CDH10: variants seen among roughly 807,000 people sequenced by gnomAD.
CDH10 encodes cadherin-10.
A neutral mutation model predicts 73.1 loss-of-function variants in CDH10; 30 were observed. That is an observed-to-expected ratio of 0.41 (90% confidence interval 0.31 to 0.56). The LOEUF is 0.56. CDH10 is among the 20% of genes least tolerant of loss of function. The pLI is 0.27. For synonymous variants in CDH10, 345 were observed against 348.2 expected (o/e 0.99, Z 0.10); for missense variants, 815 against 973.7 (o/e 0.84, Z 2.17).
At chr5:24,488,184 G>A (rs1437452141) in intron 11 of CDH10, 31 bp from the exon 12 acceptor site, 2 of 1,559,252 alleles carry the variant, frequency 1.3e-6, no homozygotes, top group South Asian at 2.3e-5. Flanking sequence ...TACATTAGAC[G>A]TCCGTTCAAA....
intron 2 of CDH10, among the ~76,000 whole-genome samples, chr5:24,548,810 A>T (rs1005566074): frequency 1.3e-5 from 2 of 152,072 alleles, no homozygotes; most frequent in Admixed American, 1.3e-4. Context: ...TTAAAAATAA[A>T]TTTTACTATA....
At chr5:24,563,053 T>A (rs1249364832) in intron 2 of CDH10, among the ~76,000 whole-genome samples, 2 of 152,170 alleles carry the variant, frequency 1.3e-5, no homozygotes, top group African/African-American at 4.8e-5. Flanking sequence ...ATATTCCATT[T>A]AAACTTCACC....
chr5:24,488,284 C>T (rs1179330278), intron 11 of CDH10, 131 bp from the exon 12 acceptor site: 1 of 812,880 alleles, frequency 1.2e-6, no homozygotes, highest in Non-Finnish European at 1.9e-6. Context: ...TAATTTTGTG[C>T]TTCCCACAGT....
At chr5:24,512,253 T>C (rs1742943478) in intron 5 of CDH10, among the ~76,000 whole-genome samples, 1 of 152,194 alleles carries the variant, frequency 6.6e-6, no homozygotes, top group Admixed American at 6.5e-5. Flanking sequence ...TATCTTCCCA[T>C]CTTAATCTCT....
chr5:24,492,088 T>C (rs111636956), intron 10 of CDH10, among the ~76,000 whole-genome samples: 2 of 152,188 alleles, frequency 1.3e-5, no homozygotes, highest in Non-Finnish European at 2.9e-5. Flanking sequence ...TTTTTATAAG[T>C]GAATCATTTA....
intron 2 of CDH10, among the ~76,000 whole-genome samples, chr5:24,583,895 G>A (rs942253770): frequency 1.3e-5 from 2 of 152,036 alleles, no homozygotes; most frequent in Non-Finnish European, 2.9e-5. Flanking sequence ...CACCTGCCTC[G>A]GCCCCCCAAA....
chr5:24,504,151 T>C (rs116762699), intron 8 of CDH10, among the ~76,000 whole-genome samples: 2 of 152,032 alleles, frequency 1.3e-5, no homozygotes, highest in African/African-American at 4.8e-5. Context: ...CTCAAAAAAA[T>C]CCCGAAAAAC....
chr5:24,499,143 A>G (rs1742400006), intron 8 of CDH10, among the ~76,000 whole-genome samples: 1 of 152,184 alleles, frequency 6.6e-6, no homozygotes, highest in Admixed American at 6.5e-5. Flanking sequence ...CTGCTGTCAA[A>G]TTTCTGTTTG....
intron 1 of CDH10, among the ~76,000 whole-genome samples, chr5:24,631,549 A>G (rs1239382242): frequency 6.6e-6 from 1 of 151,984 alleles, no homozygotes; most frequent in Non-Finnish European, 1.5e-5. Flanking sequence ...CATCAGCTTC[A>G]TCTTTTAATA....
rs563236829 is a variant in CDH10 at position 24,569,971 on chromosome 5, G to A, written c.231+23289C>T. ...AGTAGAGACGGGGTTTCACCATATT[G>A]GACGGGCTGTTCTCGAACTCCTAAC... is the stretch of plus-strand genomic sequence containing the variant. On this transcript the variant is annotated intron_variant, in intron 2 of 11. Coordinates refer to ENST00000264463, the MANE Select transcript of CDH10 (RefSeq NM_006727.5). 5.9e-5 allele frequency among the ~76,000 whole-genome samples: 9 copies of A among 151,980 alleles called. No individual in the cohort carries two copies. In the East Asian group the frequency reaches 1.7e-3, roughly 29 times the overall value.
intron 1 of CDH10, among the ~76,000 whole-genome samples, chr5:24,626,825 CAT>C (rs1747517748): frequency 6.9e-6 from 1 of 144,070 alleles, no homozygotes. Context: ...TGTATAAGTA[CAT>C]ATATATAAGT....
Position 24,497,709 on chromosome 5 carries a change from G to A in CDH10, c.1515+689C>T, listed in dbSNP as rs1254716773. Among the ~76,000 whole-genome samples the A allele has an allele frequency of 7.3e-5, 11 of 151,704 alleles. No homozygotes were observed. The South Asian group carries it at 8.3e-4, about 11-fold the overall frequency. On this transcript the variant is annotated intron_variant, in intron 9 of 11. Coordinates refer to ENST00000264463, the MANE Select transcript of CDH10 (RefSeq NM_006727.5). ...GATTCCCAATTATTATTTATACCACGCAGCTTCCTTCTGTGAAGATAGCAC... is the reference window on the plus strand; with the variant it reads ...GATTCCCAATTATTATTTATACCACACAGCTTCCTTCTGTGAAGATAGCAC...
chr5:24,577,066 C>T (rs1745634544), intron 2 of CDH10, among the ~76,000 whole-genome samples: 2 of 73,572 alleles, frequency 2.7e-5, no homozygotes, highest in African/African-American at 9.4e-5. Context: ...ACCTCAACGT[C>T]AAAGTTATTT....
intron 2 of CDH10, among the ~76,000 whole-genome samples, chr5:24,583,083 C>T (rs1447662108): frequency 6.6e-6 from 1 of 151,736 alleles, no homozygotes; most frequent in Non-Finnish European, 1.5e-5. Flanking sequence ...ACTAAACGTC[C>T]TTTAAAAATG....
At chr5:24,599,940 AG>A (rs1746504411) in intron 1 of CDH10, among the ~76,000 whole-genome samples, 1 of 152,180 alleles carries the variant, frequency 6.6e-6, no homozygotes, top group Non-Finnish European at 1.5e-5. Flanking sequence ...TTATAAAAAA[AG>A]GATTATCTCC....
At chr5:24,528,952 A>C (rs77002202) in intron 5 of CDH10, among the ~76,000 whole-genome samples, 1 of 151,972 alleles carries the variant, frequency 6.6e-6, no homozygotes, top group Non-Finnish European at 1.5e-5. Context: ...AAAGGGGTAG[A>C]TTTATGTTGG....
chr5:24,563,775 C>CAAAAAAAA (rs56666966), intron 2 of CDH10, among the ~76,000 whole-genome samples: 1 of 128,788 alleles, frequency 7.8e-6, no homozygotes. Flanking sequence ...CCCCCTCCAC[C>CAAAAAAAA]AAAAAAAAAA....
chr5:24,547,547 T>C (rs1744388755), intron 2 of CDH10, among the ~76,000 whole-genome samples: 1 of 152,034 alleles, frequency 6.6e-6, no homozygotes. Context: ...AAACTGAAGG[T>C]CTTCAAGCAC....
At chr5:24,542,938 A>G (rs1744211035) in intron 2 of CDH10, among the ~76,000 whole-genome samples, 1 of 152,132 alleles carries the variant, frequency 6.6e-6, no homozygotes, top group Non-Finnish European at 1.5e-5. Context: ...GGATTTCAAC[A>G]TATAAATCTT....
Sources: gnomAD v4.1 joint callset for allele counts (sites outside exome capture counted in the v4.1 genomes callset) on GRCh38, gnomAD v4.1.1 for gene constraint, MANE v1.5 for transcripts, NCBI Gene and HGNC (gene_info 2026-07-23, HGNC 2026-07-21) for gene names.